The following ATG16L1 variants were observed in gnomAD, a reference collection of about 807,000 sequenced individuals.
ATG16L1 encodes the protein autophagy-related protein 16-1.
ATG16L1 carries 37 observed loss-of-function variants against 88.5 expected under a neutral mutation model. That is an observed-to-expected ratio of 0.42 (90% CI 0.32 to 0.55). The LOEUF is 0.55. Among genes scored for constraint, ATG16L1 ranks in the 20% least tolerant of loss-of-function variants. The probability of loss-of-function intolerance (pLI) is 0.13; values close to 1 mark genes in which losing one functional copy is unlikely to be tolerated. For synonymous variants in ATG16L1, 301 were observed against 281.0 expected, an observed-to-expected ratio of 1.07 and a Z score of -0.71; for missense variants, 554 against 752.8, an observed-to-expected ratio of 0.74 and a Z score of 3.09.
intron 11 of ATG16L1, among the ~76,000 whole-genome samples, chr2:233,281,428 A>G (rs1182989977): frequency 2.6e-5 from 4 of 152,106 alleles, no homozygotes; most frequent in African/African-American, 9.7e-5. Flanking sequence ...TAATAGTTGT[A>G]TTTTGAGTGT....
chr2:233,277,802 AAACATACAT>A (rs1157923232), intron 10 of ATG16L1, 129 bp downstream of exon 10: 1 of 747,968 alleles, frequency 1.3e-6, no homozygotes, highest in Non-Finnish European at 2.3e-6. Flanking sequence ...CATTTTCTCA[AAACATACAT>A]TTTATGTAAG....
chr2:233,253,331 G>GTTTTTTTT (rs1247381726), intron 1 of ATG16L1, among the ~76,000 whole-genome samples: 1 of 102,756 alleles, frequency 9.7e-6, no homozygotes, highest in African/African-American at 3.2e-5. Context: ...GGTGAGACTG[G>GTTTTTTTT]GTTTTTTTGT....
Position 233,294,276 on chromosome 2 carries a change from G to A in ATG16L1, c.1750G>A (p.Ala584Thr), listed in dbSNP as rs751214302. ...KQHSSSINAV[A>T]WSPSGSHVVS... ...TTGAAGCTCATCCATCAATGCGGTG[G>A]CGTGGTCGCCCTCTGGCTCGCACGT... The change falls in exon 18 of 18, where the codon GCG (alanine) becomes ACG (threonine). Residue 584 changes from alanine (A) to threonine (T), a missense_variant. By Grantham distance (58) the Ala-to-Thr change is moderately conservative. Transcript: ENST00000392017. The A allele has an allele frequency of 4.4e-6, 7 of 1,608,202 alleles. No homozygotes were observed. The highest frequency in any genetic ancestry group is 5.1e-6 in the Non-Finnish European group (6 of 1,177,650).
intron 11 of ATG16L1, among the ~76,000 whole-genome samples, chr2:233,282,309 G>A (rs1046152987): frequency 1.5e-4 from 23 of 152,188 alleles, no homozygotes; most frequent in Admixed American, 6.5e-4. Flanking sequence ...AAGATGAACA[G>A]TTCTCAGAGT....
intron 8 of ATG16L1, chr2:233,274,187 A>T: frequency 1.2e-6 from 1 of 845,250 alleles, no homozygotes; most frequent in Non-Finnish European, 1.8e-6. Flanking sequence ...GGGAGCCCTC[A>T]GAGCAGGGCT....
intron 1 of ATG16L1, among the ~76,000 whole-genome samples, chr2:233,254,422 G>A (rs1696634079): frequency 6.6e-6 from 1 of 152,176 alleles, no homozygotes; most frequent in South Asian, 2.1e-4. Context: ...ACTCATTCCA[G>A]CCTTCCCAGG....
chr2:233,270,135 A>T (rs1333380888), intron 6 of ATG16L1, 68 bp downstream of exon 6: 23 of 1,195,548 alleles, frequency 1.9e-5, no homozygotes, highest in South Asian at 1.0e-4. Flanking sequence ...TTTTGTTTTT[A>T]TTTTTTTTTT....
chr2:233,266,612 A>T (rs1382144299), intron 5 of ATG16L1, among the ~76,000 whole-genome samples: 1 of 152,226 alleles, frequency 6.6e-6, no homozygotes, highest in Non-Finnish European at 1.5e-5. Context: ...GACGATAGGA[A>T]AGAGTCTTTT....
At chr2:233,265,388 T>C (rs1479181914) in intron 5 of ATG16L1, among the ~76,000 whole-genome samples, 1 of 152,266 alleles carries the variant, frequency 6.6e-6, no homozygotes, top group Non-Finnish European at 1.5e-5. Context: ...ATAAAAATTC[T>C]GATCTTGCTA....
At chr2:233,278,824 A>G (rs958357402) in intron 10 of ATG16L1, among the ~76,000 whole-genome samples, 8 of 152,330 alleles carry the variant, frequency 5.3e-5, no homozygotes, top group South Asian at 2.1e-4. Flanking sequence ...AGCCCATTGA[A>G]GCATACTAAA....
At chr2:233,266,567 T>C (rs1384781041) in intron 5 of ATG16L1, among the ~76,000 whole-genome samples, 1 of 152,118 alleles carries the variant, frequency 6.6e-6, no homozygotes, top group Non-Finnish European at 1.5e-5. Flanking sequence ...AGTGAATAAA[T>C]GACAATAGGA....
intron 4 of ATG16L1, 48 bp downstream of exon 4, chr2:233,264,113 T>C (rs1222327941): frequency 6.3e-7 from 1 of 1,597,432 alleles, no homozygotes; most frequent in Non-Finnish European, 8.6e-7. Context: ...GGGTCCCATG[T>C]CCTTTGTTCT....
chr2:233,263,835 A>T (rs1477825600), intron 3 of ATG16L1, among the ~76,000 whole-genome samples, 157 bp from the exon 4 acceptor site: 1 of 152,242 alleles, frequency 6.6e-6, no homozygotes, highest in East Asian at 1.9e-4. Context: ...AGGGAGTGGC[A>T]GGGATAGTTC....
intron 2 of ATG16L1, among the ~76,000 whole-genome samples, chr2:233,261,064 T>C (rs914969679): frequency 3.9e-5 from 6 of 152,228 alleles, no homozygotes; most frequent in Admixed American, 3.3e-4. Context: ...CATGCCATTC[T>C]CCTGCCTCAG....
chr2:233,290,004 A>G (rs377574015), intron 13 of ATG16L1, 30 bp downstream of exon 13: 38 of 1,610,190 alleles, frequency 2.4e-5, no homozygotes, highest in Non-Finnish European at 3.1e-5. Context: ...CTGTCTGTGT[A>G]TATGCTTAGA....
At chr2:233,253,489 G>T (rs1326300008) in intron 1 of ATG16L1, among the ~76,000 whole-genome samples, 1 of 151,726 alleles carries the variant, frequency 6.6e-6, no homozygotes, top group Non-Finnish European at 1.5e-5. Flanking sequence ...GGAACTATAG[G>T]CAAGCACCGC....
chr2:233,258,016 A>ATATCTAT (rs1328797823), intron 2 of ATG16L1, among the ~76,000 whole-genome samples: 1 of 51,900 alleles, frequency 1.9e-5, no homozygotes, highest in African/African-American at 5.3e-5. Flanking sequence ...AAAAAAAAAA[A>ATATCTAT]ATATCTATAT....
At chr2:233,284,105 A>G (rs929438180) in intron 12 of ATG16L1, among the ~76,000 whole-genome samples, 13 of 151,432 alleles carry the variant, frequency 8.6e-5, no homozygotes, top group African/African-American at 2.9e-4. Flanking sequence ...CGGCCTCCCA[A>G]AGTGCTGGGA....
chr2:233,290,204 C>G, intron 13 of ATG16L1, 44 bp from the exon 14 acceptor site: 1 of 1,593,126 alleles, frequency 6.3e-7, no homozygotes, highest in Non-Finnish European at 8.6e-7. Context: ...TAAACAGCCA[C>G]GTTGGTGCCT....
Sources: gnomAD v4.1 joint callset for allele counts (sites outside exome capture counted in the v4.1 genomes callset) on GRCh38, gnomAD v4.1.1 for gene constraint, MANE v1.5 for transcripts, NCBI Gene and HGNC (gene_info 2026-07-23, HGNC 2026-07-21) for gene names.